Variants in CCSER1 observed in about 807,000 individuals in gnomAD.
CCSER1 encodes serine-rich coiled-coil domain-containing protein 1.
In CCSER1, 41 loss-of-function variants were observed where a neutral mutation model predicts 82.0. The observed-to-expected ratio is 0.50, with a 90% CI of 0.39 to 0.65. CCSER1 has a LOEUF of 0.65. Among genes scored for constraint, CCSER1 ranks in the 30% least tolerant of loss-of-function variants. The pLI, the probability that CCSER1 is intolerant of heterozygous loss-of-function variation, is 0.00. For missense variants in CCSER1, 1,119 were observed against 1,064.2 expected (o/e 1.05, Z -0.72); for synonymous variants, 414 against 383.9 (o/e 1.08, Z -0.92).
In CCSER1 at chr4:91,598,688, C is replaced by T; in HGVS notation, c.2334C>T (p.Tyr778=). 1.3e-6 allele frequency: 2 copies of T among 1,551,452 alleles called. No homozygotes were observed. The highest frequency in any genetic ancestry group is 2.4e-5 in the East Asian group (1 of 40,906). ...CGGCAGCGGACCAGACAAGCCCCTA[C>T]AAAAACAAGACCTGTCAACTCCCAA... is the stretch of plus-strand genomic sequence containing the variant. ...RYSAADQTSP[Y]KNKTCQLPSL... The change falls in exon 11 of 11, where the codon TAC becomes TAT. Residue 778 remains tyrosine, a synonymous_variant. Coordinates refer to ENST00000509176, the MANE Select transcript of CCSER1 (RefSeq NM_001145065.2).
intron 10 of CCSER1, among the ~76,000 whole-genome samples, chr4:91,115,669 G>A (rs1004078418): frequency 3.3e-5 from 5 of 151,828 alleles, no homozygotes; most frequent in African/African-American, 9.7e-5. Flanking sequence ...GCCTGGCTCA[G>A]GGTACATACT....
At chr4:90,219,756 G>A (rs971680023) in intron 1 of CCSER1, among the ~76,000 whole-genome samples, 3 of 152,078 alleles carry the variant, frequency 2.0e-5, no homozygotes, top group Non-Finnish European at 4.4e-5. Context: ...TACTGGTTTT[G>A]ATATCACTCT....
At chr4:90,234,951 T>G (rs1745492007) in intron 1 of CCSER1, 1 of 152,214 alleles carries the variant, frequency 6.6e-6, no homozygotes, top group Non-Finnish European at 1.5e-5. Flanking sequence ...CTGCTCTCAG[T>G]CACTGGGAGA....
intron 4 of CCSER1, among the ~76,000 whole-genome samples, chr4:90,445,013 C>T (rs1760448495): frequency 6.6e-6 from 1 of 151,914 alleles, no homozygotes; most frequent in Middle Eastern, 3.4e-3. Context: ...TAGTAGTCAT[C>T]ACAGATAAAC....
chr4:91,443,104 C>A (rs1382472615), intron 10 of CCSER1, among the ~76,000 whole-genome samples: 1 of 151,898 alleles, frequency 6.6e-6, no homozygotes, highest in Non-Finnish European at 1.5e-5. Flanking sequence ...ACCATTTGAC[C>A]CAGCCATCCC....
At chr4:91,149,332 T>A (rs1479120634) in intron 10 of CCSER1, among the ~76,000 whole-genome samples, 1 of 152,188 alleles carries the variant, frequency 6.6e-6, no homozygotes, top group African/African-American at 2.4e-5. Context: ...TGGGGTTGAT[T>A]TTTTCTCATA....
At chr4:91,538,217 C>T (rs1027439312) in intron 10 of CCSER1, among the ~76,000 whole-genome samples, 8 of 151,852 alleles carry the variant, frequency 5.3e-5, no homozygotes, top group Admixed American at 4.6e-4. Flanking sequence ...AGATGAACTT[C>T]ATAGATACTC....
chr4:91,407,510 T>C (rs187262384), intron 10 of CCSER1, among the ~76,000 whole-genome samples: 7 of 152,286 alleles, frequency 4.6e-5, no homozygotes, highest in Non-Finnish European at 1.0e-4. Flanking sequence ...CTTTTTAGTA[T>C]GTTTGTGTTA....
chr4:90,844,233 A>AG (rs1561234969), intron 8 of CCSER1, among the ~76,000 whole-genome samples: 19 of 151,454 alleles, frequency 1.3e-4, no homozygotes, highest in Non-Finnish European at 2.1e-4. Context: ...GAGAGAGAGA[A>AG]AGAGAGGAAG....
At chr4:91,338,821 T>C (rs1747499359) in intron 10 of CCSER1, among the ~76,000 whole-genome samples, 1 of 152,096 alleles carries the variant, frequency 6.6e-6, no homozygotes, top group Non-Finnish European at 1.5e-5. Flanking sequence ...TCCATAAAAT[T>C]TCCTGGTGAT....
chr4:90,913,835 G>T (rs1488045729), intron 8 of CCSER1, among the ~76,000 whole-genome samples: 1 of 151,998 alleles, frequency 6.6e-6, no homozygotes, highest in Non-Finnish European at 1.5e-5. Context: ...AAAGGCAAGG[G>T]TTGCAATCCT....
At chr4:90,968,548 A>G (rs916021037) in intron 9 of CCSER1, among the ~76,000 whole-genome samples, 4 of 152,060 alleles carry the variant, frequency 2.6e-5, no homozygotes, top group Non-Finnish European at 5.9e-5. Flanking sequence ...AGCACCCAAC[A>G]TGGCTTTGTA....
At position 90,779,843 on chromosome 4, in the gene CCSER1, A is replaced by T. The variant is rs573031032; in HGVS notation, c.2011-35919A>T. Among the ~76,000 whole-genome samples the T allele has an allele frequency of 2.0e-5, 3 of 152,360 alleles. No individual in the cohort carries two copies. The East Asian group carries it at 5.8e-4, about 29-fold the overall frequency. ...CCCTATTAAATACAGTTGACTGAGA[A>T]CATGCTTTTTGGATCTGTATTTGCC... On this transcript the variant is annotated intron_variant, in intron 7 of 10. Coordinates refer to ENST00000509176, the MANE Select transcript of CCSER1 (RefSeq NM_001145065.2).
rs548249996 is a variant in CCSER1 at position 91,135,268 on chromosome 4, G to C, written c.2217+49274G>C. On this transcript the variant is annotated intron_variant, in intron 10 of 10. Coordinates refer to ENST00000509176, the MANE Select transcript of CCSER1 (RefSeq NM_001145065.2). ...AAATATTAGATAAATCTAAACTGAA[G>C]GGCATTCTGTAAACTAACTGGCCAT... Among the ~76,000 whole-genome samples the C allele has an allele frequency of 8.5e-5, 13 of 152,110 alleles. No individual in the cohort carries two copies. In the South Asian group the frequency reaches 1.5e-3, roughly 17 times the overall value.
At chr4:90,537,892 C>CTT (rs1286214913) in intron 5 of CCSER1, among the ~76,000 whole-genome samples, 1 of 152,116 alleles carries the variant, frequency 6.6e-6, no homozygotes, top group Non-Finnish European at 1.5e-5. Flanking sequence ...ATTGTCTCTT[C>CTT]TTTATCATCC....
chr4:90,811,648 G>T (rs999698354), intron 7 of CCSER1, among the ~76,000 whole-genome samples: 1 of 152,076 alleles, frequency 6.6e-6, no homozygotes, highest in Non-Finnish European at 1.5e-5. Flanking sequence ...GCAGCTGAGC[G>T]TATATGATGG....
At chr4:90,272,222 A>G (rs1038587474) in intron 1 of CCSER1, among the ~76,000 whole-genome samples, 3 of 152,136 alleles carry the variant, frequency 2.0e-5, no homozygotes, top group Non-Finnish European at 2.9e-5. Flanking sequence ...TGTAGGAACA[A>G]TCTATTAATC....
intron 5 of CCSER1, among the ~76,000 whole-genome samples, chr4:90,490,927 T>C (rs961894727): frequency 4.6e-5 from 7 of 152,168 alleles, no homozygotes; most frequent in Non-Finnish European, 1.0e-4. Context: ...TACTATAGCC[T>C]TGTAGTATAG....
intron 6 of CCSER1, among the ~76,000 whole-genome samples, chr4:90,720,253 T>G (rs1742436207): frequency 6.6e-6 from 1 of 151,584 alleles, no homozygotes; most frequent in Admixed American, 6.6e-5. Flanking sequence ...GACTTGGAAT[T>G]AGCCATTTCT....
Sources: gnomAD v4.1 joint callset for allele counts (sites outside exome capture counted in the v4.1 genomes callset) on GRCh38, gnomAD v4.1.1 for gene constraint, MANE v1.5 for transcripts, NCBI Gene and HGNC (gene_info 2026-07-23, HGNC 2026-07-21) for gene names.